FOXJ3: variants seen among roughly 807,000 people sequenced by gnomAD.
The protein encoded by FOXJ3 is forkhead box J3.
Under a neutral mutation model 76.1 loss-of-function variants are expected in FOXJ3, and 22 were observed. The ratio of observed to expected loss-of-function variants is 0.29; its 90% CI spans 0.21 to 0.41. The LOEUF is 0.41. Ranked by LOEUF, FOXJ3 falls within the 10% of genes least tolerant of loss-of-function variation. FOXJ3 has a pLI of 1.00. For missense variants in FOXJ3, 613 were observed against 762.1 expected (o/e 0.80, Z 2.30); for synonymous variants, 269 against 261.2 (o/e 1.03, Z -0.29).
At position 42,181,928 on chromosome 1, in the gene FOXJ3, G is replaced by T; in HGVS notation, c.1742C>A (p.Thr581Lys). 2 of 1,605,250 alleles carry T rather than the reference G, an allele frequency of 1.2e-6. No homozygotes were observed. Among genetic ancestry groups the T allele is most frequent in the Non-Finnish European group, 1.7e-6 (2 of 1,173,040 alleles). ...HIPQALSTPG[T>K]TMAGHHRAMN... Reference sequence around the variant, plus strand: ...TCTCTCTCTCTTACCTGCCATCGTTGTTCCTGGAGTGCTGAGTGCCTGTGG... The same window carrying T: ...TCTCTCTCTCTTACCTGCCATCGTTTTTCCTGGAGTGCTGAGTGCCTGTGG... The change falls in exon 12 of 13, where the codon ACA (threonine) becomes AAA (lysine). Residue 581 changes from threonine to lysine, a missense_variant. Coordinates refer to ENST00000361346, the MANE Select transcript of FOXJ3 (RefSeq NM_014947.5).
chr1:42,245,602 A>G (rs1649488839), intron 4 of FOXJ3, among the ~76,000 whole-genome samples: 1 of 152,226 alleles, frequency 6.6e-6, no homozygotes, highest in East Asian at 1.9e-4. Context: ...CGGAAAAAGC[A>G]TTTGATAAAA....
chr1:42,333,079 AC>A (rs1656255728), intron 1 of FOXJ3, among the ~76,000 whole-genome samples: 1 of 152,156 alleles, frequency 6.6e-6, no homozygotes, highest in South Asian at 2.1e-4. Context: ...ACAAATGCTG[AC>A]TTACCAAAAA....
chr1:42,289,368 A>G (rs1375823729), intron 2 of FOXJ3, among the ~76,000 whole-genome samples: 4 of 152,176 alleles, frequency 2.6e-5, no homozygotes, highest in Admixed American at 6.5e-5. Context: ...TAAGCCTCAA[A>G]GAAGTGCTCT....
intron 5 of FOXJ3, among the ~76,000 whole-genome samples, chr1:42,221,373 G>T (rs537691727): frequency 6.6e-5 from 10 of 152,198 alleles, no homozygotes; most frequent in African/African-American, 2.4e-4. Flanking sequence ...GGGGGTTGGG[G>T]GGATCAAAGA....
At chr1:42,252,798 T>C (rs1650209390) in intron 4 of FOXJ3, among the ~76,000 whole-genome samples, 1 of 152,132 alleles carries the variant, frequency 6.6e-6, no homozygotes, top group Non-Finnish European at 1.5e-5. Flanking sequence ...ATTTAGGTAT[T>C]GATGGGACAT....
intron 1 of FOXJ3, among the ~76,000 whole-genome samples, chr1:42,321,612 G>A (rs145226029): frequency 6.6e-5 from 10 of 152,302 alleles, no homozygotes; most frequent in African/African-American, 2.2e-4. Flanking sequence ...AGAAAAAGAA[G>A]ACAGTATGAC....
At chr1:42,257,315 T>C (rs1239889408) in intron 4 of FOXJ3, among the ~76,000 whole-genome samples, 6 of 152,118 alleles carry the variant, frequency 3.9e-5, no homozygotes, top group Non-Finnish European at 5.9e-5. Flanking sequence ...GGAAGGAAAG[T>C]GGAACCCAAC....
chr1:42,289,420 A>C (rs1376985080), intron 2 of FOXJ3, among the ~76,000 whole-genome samples: 5 of 152,172 alleles, frequency 3.3e-5, no homozygotes, highest in Non-Finnish European at 7.4e-5. Flanking sequence ...TTTAGCATAC[A>C]GTGAATGCTT....
chr1:42,305,715 AG>A (rs1164367736), intron 2 of FOXJ3, among the ~76,000 whole-genome samples: 1 of 152,216 alleles, frequency 6.6e-6, no homozygotes, highest in Non-Finnish European at 1.5e-5. Context: ...GAGGCTGGGA[AG>A]GGTAAGCGGG....
intron 2 of FOXJ3, among the ~76,000 whole-genome samples, chr1:42,291,637 A>C (rs1653442753): frequency 6.6e-6 from 1 of 151,950 alleles, no homozygotes; most frequent in African/African-American, 2.4e-5. Context: ...CTCATCTCTA[A>C]AGAAAAAAAA....
At chr1:42,266,183 T>TA (rs1438096209) in intron 3 of FOXJ3, among the ~76,000 whole-genome samples, 1 of 152,150 alleles carries the variant, frequency 6.6e-6, no homozygotes, top group East Asian at 1.9e-4. Context: ...ATGCCTATAA[T>TA]AAAACTTATC....
intron 4 of FOXJ3, among the ~76,000 whole-genome samples, chr1:42,228,596 T>G (rs1228421407): frequency 6.9e-6 from 1 of 145,356 alleles, no homozygotes; most frequent in African/African-American, 2.5e-5. Flanking sequence ...TGGAAAAGCA[T>G]AGATCCATAG....
At chr1:42,271,531 CA>C in intron 3 of FOXJ3, among the ~76,000 whole-genome samples, 1 of 152,186 alleles carries the variant, frequency 6.6e-6, no homozygotes, top group Middle Eastern at 3.4e-3. Flanking sequence ...TTTACCCACA[CA>C]AAAAGTAGCA....
intron 4 of FOXJ3, among the ~76,000 whole-genome samples, chr1:42,235,076 G>T (rs1403259486): frequency 6.6e-6 from 1 of 152,172 alleles, no homozygotes; most frequent in Non-Finnish European, 1.5e-5. Context: ...TGGCCGCTTT[G>T]TTTACCTACT....
At position 42,265,135 on chromosome 1, in the gene FOXJ3, A is replaced by G. The variant is rs778141600; in HGVS notation, c.424T>C (p.Ser142Pro). ...CCTACCTTTCCAGGGTCATCCTTAG[A>G]TCGAGGCACTTTAAGGAAACATTTG... ...LNKCFLKVPRSKDDPGKGSYW... is the reference protein window; with the variant it reads ...LNKCFLKVPRPKDDPGKGSYW... Residue 142 changes from serine (S) to proline (P), a missense_variant, in exon 4 of 13, where the codon TCT becomes CCT. Physicochemically the swap from Ser to Pro is moderately conservative, Grantham distance 74. Coordinates refer to ENST00000361346, the MANE Select transcript of FOXJ3 (RefSeq NM_014947.5). 1 of 1,596,104 alleles carries G rather than the reference A, an allele frequency of 6.3e-7. No individual in the cohort carries two copies. The highest frequency in any genetic ancestry group is 1.3e-5 in the African/African-American group (1 of 74,564).
At chr1:42,181,891 A>ACACT (rs747531207) in intron 12 of FOXJ3, 26 bp downstream of exon 12, 9 of 1,341,728 alleles carry the variant, frequency 6.7e-6, no homozygotes, top group Admixed American at 1.8e-5. Flanking sequence ...ACACACACAC[A>ACACT]CACTCACTCT....
chr1:42,281,592 G>A (rs973463700), intron 2 of FOXJ3, among the ~76,000 whole-genome samples: 1 of 152,078 alleles, frequency 6.6e-6, no homozygotes, highest in Non-Finnish European at 1.5e-5. Flanking sequence ...AAAAAAGTGG[G>A]GCTTCTGTTC....
Position 42,191,494 on chromosome 1 carries a change from G to A in FOXJ3, c.1160C>T (p.Pro387Leu), listed in dbSNP as rs377432876. The stretch of plus-strand genomic sequence containing the variant: ...CTGCGGATGCTGCGGTAAACCATGC[G>A]GTCGATGGGGAGGATGTGGAGATGG... ...TQPSPHPPHR[P>L]HGLPQHPQRS... Residue 387 changes from proline to leucine, a missense_variant, in exon 9 of 13, where the codon CCG becomes CTG. Pro to Leu is a moderately conservative substitution (Grantham distance 98). Around this residue, in one of 3 missense-constraint regions of FOXJ3, gnomAD observed 526 missense variants for 601.4 expected, o/e 0.87. Coordinates refer to ENST00000361346, the MANE Select transcript of FOXJ3 (RefSeq NM_014947.5). The A allele has an allele frequency of 1.8e-5, 29 of 1,613,794 alleles. No individual in the cohort carries two copies. Among genetic ancestry groups the A allele is most frequent in the Admixed American group, 1.7e-4 (10 of 59,980 alleles).
intron 3 of FOXJ3, among the ~76,000 whole-genome samples, chr1:42,275,994 C>A (rs886702846): frequency 6.6e-6 from 1 of 152,182 alleles, no homozygotes; most frequent in African/African-American, 2.4e-5. Flanking sequence ...AACAACTCAT[C>A]TTTTCAGAAG....
Sources: allele counts gnomAD v4.1 joint callset (sites outside exome capture counted in the v4.1 genomes callset), GRCh38; gene constraint gnomAD v4.1.1; regional missense constraint gnomAD v4.1.1; transcripts MANE v1.5; gene names NCBI Gene and HGNC (gene_info 2026-07-23, HGNC 2026-07-21).